The following PGM2L1 variants were observed in gnomAD, a reference collection of about 807,000 sequenced individuals.
PGM2L1 encodes glucose 1,6-bisphosphate synthase.
PGM2L1 carries 35 observed loss-of-function variants against 73.4 expected under a neutral mutation model. The observed-to-expected ratio is 0.48, with a 90% CI of 0.36 to 0.63. The LOEUF is 0.63. Ranked by LOEUF, PGM2L1 falls within the 30% of genes least tolerant of loss-of-function variation. PGM2L1 has a pLI of 0.00. For missense variants in PGM2L1, 570 were observed against 742.0 expected, an observed-to-expected ratio of 0.77 and a Z score of 2.69; for synonymous variants, 225 against 253.8, an observed-to-expected ratio of 0.89 and a Z score of 1.08.
At chr11:74,355,464 G>A in intron 5 of PGM2L1, 1 of 391,350 alleles carries the variant, frequency 2.6e-6, no homozygotes, top group Non-Finnish European at 4.8e-6. Flanking sequence ...TGAGGCAGGA[G>A]AATGGCGTGA....
At chr11:74,360,871 T>G (rs1221272146) in intron 5 of PGM2L1, among the ~76,000 whole-genome samples, 1 of 152,168 alleles carries the variant, frequency 6.6e-6, no homozygotes, top group Non-Finnish European at 1.5e-5. Context: ...CCGCCATTGC[T>G]GAGGCTTGAG....
intron 1 of PGM2L1, among the ~76,000 whole-genome samples, chr11:74,377,569 C>T (rs923276170): frequency 6.6e-6 from 1 of 151,954 alleles, no homozygotes; most frequent in Non-Finnish European, 1.5e-5. Context: ...AGAAGTATTC[C>T]ATGCAAATAT....
chr11:74,336,567 A>G lies in PGM2L1; in HGVS notation c.*85T>C. Reference sequence around the variant, plus strand: ...ACTCGGCCAGATGAGATAGAGAGAGAATGCTAACACAAGGTTCAATGTATG... The same window carrying G: ...ACTCGGCCAGATGAGATAGAGAGAGGATGCTAACACAAGGTTCAATGTATG... On this transcript the variant is annotated 3_prime_UTR_variant, in exon 14 of 14. Transcript: ENST00000298198. 1.3e-6 allele frequency: 1 copy of G among 785,888 alleles called. No individual in the cohort carries two copies. The highest frequency in any genetic ancestry group is 1.9e-6 in the Non-Finnish European group (1 of 514,380). 48.7% of individuals were successfully genotyped at this position (785,888 alleles called of 1,614,324 possible).
rs1258957284 is a variant in PGM2L1 at position 74,336,591 on chromosome 11, T to C, written c.*61A>G. The stretch of plus-strand genomic sequence containing the variant: ...GAATGCTAACACAAGGTTCAATGTA[T>C]GCAGTTCTCGGTTGCTCTGTTCCAT... On this transcript the variant is annotated 3_prime_UTR_variant, in exon 14 of 14. Coordinates refer to ENST00000298198, the MANE Select transcript of PGM2L1 (RefSeq NM_173582.6). 5 of 1,048,302 alleles carry C rather than the reference T, an allele frequency of 4.8e-6. No homozygotes were observed. The African/African-American group carries it at 6.5e-5, about 14-fold the overall frequency. The allele number at this position is 1,048,302 out of a possible 1,614,324, so 64.9% of individuals were successfully genotyped here. A position where few individuals can be genotyped will look rare whatever the true frequency, so the allele number is the denominator to read the frequency against.
At chr11:74,364,394 G>A (rs530833265) in intron 5 of PGM2L1, among the ~76,000 whole-genome samples, 4 of 152,228 alleles carry the variant, frequency 2.6e-5, no homozygotes, top group East Asian at 1.9e-4. Flanking sequence ...GAAATAAAGG[G>A]TATTCAGTTA....
chr11:74,342,420 G>A (rs766150741), intron 12 of PGM2L1, 41 bp downstream of exon 12: 2 of 1,392,344 alleles, frequency 1.4e-6, no homozygotes, highest in Non-Finnish European at 9.5e-7. Flanking sequence ...CATGAGCCAT[G>A]AAATTTTCTA....
chr11:74,362,279 T>C (rs182520065), intron 5 of PGM2L1, among the ~76,000 whole-genome samples: 189 of 152,222 alleles, frequency 1.2e-3, no homozygotes, highest in African/African-American at 4.4e-3. Flanking sequence ...AACCCAGAAT[T>C]TCATATCCAG....
intron 5 of PGM2L1, chr11:74,355,676 A>G (rs1862439559): frequency 7.8e-6 from 4 of 509,842 alleles, no homozygotes; most frequent in Non-Finnish European, 1.2e-5. Context: ...CAAGGTGGCT[A>G]TGGTGGTTCC....
At chr11:74,393,370 G>A (rs754412702) in intron 1 of PGM2L1, among the ~76,000 whole-genome samples, 23 of 152,262 alleles carry the variant, frequency 1.5e-4, no homozygotes, top group African/African-American at 4.3e-4. Context: ...GGGTCTCTAC[G>A]CAATGACCCT....
chr11:74,369,052 G>A (rs1037314235), intron 4 of PGM2L1, among the ~76,000 whole-genome samples: 5 of 152,044 alleles, frequency 3.3e-5, no homozygotes, highest in South Asian at 4.1e-4. Flanking sequence ...CAGTTACCAC[G>A]GTAATATTAG....
chr11:74,347,962 T>G (rs1437242948), intron 6 of PGM2L1, among the ~76,000 whole-genome samples: 1 of 152,220 alleles, frequency 6.6e-6, no homozygotes, highest in East Asian at 1.9e-4. Flanking sequence ...GGTGACTTAA[T>G]TAGTACCTTC....
At chr11:74,394,620 T>G (rs535832109) in intron 1 of PGM2L1, among the ~76,000 whole-genome samples, 7 of 152,312 alleles carry the variant, frequency 4.6e-5, no homozygotes, top group African/African-American at 1.7e-4. Flanking sequence ...TTCCAAAATT[T>G]TCTATGTACC....
At chr11:74,389,535 C>T (rs1190114265) in intron 1 of PGM2L1, among the ~76,000 whole-genome samples, 2 of 151,572 alleles carry the variant, frequency 1.3e-5, no homozygotes, top group South Asian at 2.1e-4. Context: ...CTGCAGCCTC[C>T]GCCTCCCGGG....
Position 74,354,784 on chromosome 11 carries a change from G to A in PGM2L1, c.556-3208C>T, listed in dbSNP as rs967807173. On this transcript the variant is annotated intron_variant, in intron 5 of 13. Transcript: ENST00000298198. ...GCTATTTGTTGGTAGCATTAAAGAA[G>A]ACCCTGAAGAACATCACCTAAGAGA... is the stretch of plus-strand genomic sequence containing the variant. 6.2e-6 allele frequency: 6 copies of A among 973,598 alleles called. No individual in the cohort carries two copies. The East Asian group carries it at 1.5e-4, about 25-fold the overall frequency. The allele number at this position is 973,598 out of a possible 1,614,324, so 60.3% of individuals were successfully genotyped here.
At chr11:74,355,344 A>G in intron 5 of PGM2L1, 1 of 705,390 alleles carries the variant, frequency 1.4e-6, no homozygotes, top group Non-Finnish European at 2.6e-6. Flanking sequence ...ACCTGAGGTC[A>G]GGAGTTCAAC....
At chr11:74,391,604 A>C (rs1863102822) in intron 1 of PGM2L1, among the ~76,000 whole-genome samples, 1 of 152,110 alleles carries the variant, frequency 6.6e-6, no homozygotes, top group South Asian at 2.1e-4. Flanking sequence ...ATTTGATGGA[A>C]TAATTGTCTT....
chr11:74,342,812 CA>C (rs1405980830), intron 11 of PGM2L1, 72 bp downstream of exon 11: 3 of 1,443,974 alleles, frequency 2.1e-6, no homozygotes, highest in Non-Finnish European at 2.8e-6. Context: ...TCTTCAGAAA[CA>C]AATTTAGAAA....
At chr11:74,380,463 C>T (rs1336319038) in intron 1 of PGM2L1, among the ~76,000 whole-genome samples, 1 of 151,946 alleles carries the variant, frequency 6.6e-6, no homozygotes, top group East Asian at 1.9e-4. Flanking sequence ...AGATAAAAAA[C>T]TTGAATATAA....
intron 1 of PGM2L1, among the ~76,000 whole-genome samples, chr11:74,377,434 C>T (rs1429701166): frequency 2.0e-5 from 3 of 151,670 alleles, no homozygotes; most frequent in Admixed American, 2.0e-4. Context: ...CGCCGGCCAA[C>T]TAATTATTTT....
Sources: gnomAD v4.1 joint callset for allele counts (sites outside exome capture counted in the v4.1 genomes callset) on GRCh38, gnomAD v4.1.1 for gene constraint, MANE v1.5 for transcripts, NCBI Gene and HGNC (gene_info 2026-07-23, HGNC 2026-07-21) for gene names.